The following NTM variants were observed in gnomAD, a reference collection of about 807,000 sequenced individuals.
NTM encodes the protein IgLON family member 2.
A neutral mutation model predicts 42.1 loss-of-function variants in NTM; 13 were observed. That is an observed-to-expected ratio of 0.31 (90% CI 0.20 to 0.49). The LOEUF is 0.49. Ranked by LOEUF, NTM falls within the 20% of genes least tolerant of loss-of-function variation. The pLI is 0.99. For synonymous variants in NTM, 187 were observed against 179.2 expected (o/e 1.04, Z -0.35); for missense variants, 373 against 452.8 (o/e 0.82, Z 1.60).
intron 7 of NTM, among the ~76,000 whole-genome samples, chr11:132,325,415 A>C (rs2095658369): frequency 6.6e-6 from 1 of 152,236 alleles, no homozygotes; most frequent in Admixed American, 6.5e-5. Flanking sequence ...CACATGAATA[A>C]ATGCTCACCA....
rs1555100310 is a variant in NTM at position 131,722,021 on chromosome 11, A to AGAGAG, written c.83-189543_83-189542insGAGAG. 1.2e-4 allele frequency among the ~76,000 whole-genome samples: 14 copies of AGAGAG among 112,826 alleles called. 2 individuals carry two copies. Among genetic ancestry groups the AGAGAG allele is most frequent in the African/African-American group, 3.7e-4 (11 of 29,450 alleles). 74.0% of individuals were successfully genotyped at this position (112,826 alleles called of 152,430 possible). ...CAAAAAAAAAAAAAAAAAAAAAAAA[A>AGAGAG]AGAGAGAAAGAAAGAAAATAATGCT... On this transcript the variant is annotated intron_variant, in intron 1 of 8. Transcript: ENST00000683400.
chr11:131,464,124 A>T (rs1049858514), intron 1 of NTM, among the ~76,000 whole-genome samples: 6 of 152,086 alleles, frequency 3.9e-5, no homozygotes, highest in Non-Finnish European at 8.8e-5. Flanking sequence ...GAGGGTGCAG[A>T]GGGGCCAGCA....
intron 2 of NTM, among the ~76,000 whole-genome samples, chr11:132,027,575 T>C (rs914373858): frequency 2.6e-5 from 4 of 152,202 alleles, no homozygotes; most frequent in African/African-American, 7.2e-5. Context: ...GACGCTCCTC[T>C]TCCTGTATGC....
intron 1 of NTM, among the ~76,000 whole-genome samples, chr11:131,625,812 C>G (rs906165): frequency 0.76 from 115,863 of 152,026 alleles, 44,799 homozygotes; most frequent in Non-Finnish European, 0.83. Flanking sequence ...AGTGAGATCA[C>G]AGAGATTCTT....
chr11:131,815,310 C>T lies in NTM; in HGVS notation c.83-96254C>T, dbSNP rs76643154. ...CCTTCTGGGAGCTGTCCCACCGTGC[C>T]CGCCTCAGCTCTCTGCCCTCTTGTA... is the stretch of plus-strand genomic sequence containing the variant. On this transcript the variant is annotated intron_variant, in intron 1 of 8. Coordinates refer to ENST00000683400, the MANE Select transcript of NTM (RefSeq NM_001352005.2). Among the ~76,000 whole-genome samples, 1,306 of 152,202 alleles carry T rather than the reference C, an allele frequency of 8.6e-3. 21 individuals are homozygous for T. The highest frequency in any genetic ancestry group is 0.03 in the African/African-American group (1,229 of 41,512).
chr11:131,912,036 C>T (rs1038717321), intron 2 of NTM, among the ~76,000 whole-genome samples: 1 of 152,144 alleles, frequency 6.6e-6, no homozygotes, highest in Non-Finnish European at 1.5e-5. Flanking sequence ...TTAATGAGCC[C>T]CAAAGGAGGG....
At chr11:131,921,473 G>A (rs1307443531) in intron 2 of NTM, among the ~76,000 whole-genome samples, 1 of 152,134 alleles carries the variant, frequency 6.6e-6, no homozygotes, top group East Asian at 1.9e-4. Flanking sequence ...TGCCAACACG[G>A]TGATCTCCAT....
intron 1 of NTM, among the ~76,000 whole-genome samples, chr11:131,752,331 A>T (rs565102950): frequency 1.3e-5 from 2 of 152,344 alleles, no homozygotes; most frequent in South Asian, 2.1e-4. Context: ...AATCAAAACC[A>T]CAATGAGATA....
chr11:131,843,986 A>G (rs2044613101), intron 1 of NTM, among the ~76,000 whole-genome samples: 1 of 150,844 alleles, frequency 6.6e-6, no homozygotes, highest in Non-Finnish European at 1.5e-5. Flanking sequence ...TTTACACTTT[A>G]TGATGTCTTC....
chr11:132,274,784 T>C (rs1326039066), intron 4 of NTM, among the ~76,000 whole-genome samples: 3 of 152,164 alleles, frequency 2.0e-5, no homozygotes, highest in African/African-American at 4.8e-5. Flanking sequence ...GTATACTATA[T>C]GCCAGTCTCT....
At chr11:132,073,195 C>A (rs1482592331) in intron 2 of NTM, among the ~76,000 whole-genome samples, 1 of 151,976 alleles carries the variant, frequency 6.6e-6, no homozygotes, top group African/African-American at 2.4e-5. Context: ...CAACGAGGAG[C>A]CAAAATGGGG....
intron 1 of NTM, among the ~76,000 whole-genome samples, chr11:131,433,555 T>G (rs1024751168): frequency 6.6e-6 from 1 of 152,174 alleles, no homozygotes; most frequent in Admixed American, 6.5e-5. Context: ...GAGGAAAGGG[T>G]AAGCAACTTG....
chr11:131,801,279 G>A (rs1243530811), intron 1 of NTM, among the ~76,000 whole-genome samples: 1 of 152,152 alleles, frequency 6.6e-6, no homozygotes, highest in Non-Finnish European at 1.5e-5. Context: ...TGAAGTGTAG[G>A]GCAGCTCACT....
chr11:132,224,862 A>T (rs1774727189), intron 4 of NTM, among the ~76,000 whole-genome samples: 1 of 152,196 alleles, frequency 6.6e-6, no homozygotes, highest in African/African-American at 2.4e-5. Context: ...AAAGACGACC[A>T]GGTTTCTGGT....
rs571878054 is a variant in NTM at position 132,286,448 on chromosome 11, G to T, written c.527-21241G>T. ...AGATTCAAAGGAAGGAGATTTAGGA[G>T]TAACACAGAAGCACCATTTAGGTAA... On this transcript the variant is annotated intron_variant, in intron 4 of 8. Transcript: ENST00000683400. 1.1e-4 allele frequency among the ~76,000 whole-genome samples: 16 copies of T among 152,232 alleles called. No individual in the cohort carries two copies. The South Asian group carries it at 2.3e-3, about 22-fold the overall frequency.
At chr11:132,330,377 G>A (rs1262341001) in intron 8 of NTM, among the ~76,000 whole-genome samples, 192 bp downstream of exon 8, 1 of 152,130 alleles carries the variant, frequency 6.6e-6, no homozygotes, top group Non-Finnish European at 1.5e-5. Flanking sequence ...ATCCTTCCTA[G>A]GTAGATCCCA....
At chr11:131,881,475 G>T (rs1426123311) in intron 1 of NTM, among the ~76,000 whole-genome samples, 1 of 72,936 alleles carries the variant, frequency 1.4e-5, no homozygotes, top group African/African-American at 5.3e-5. Context: ...TGAGCTCTCA[G>T]TTACACACAC....
rs751357213 is a variant in NTM at position 132,314,756 on chromosome 11, A to G, written c.934+53A>G. 5.2e-6 allele frequency: 8 copies of G among 1,545,608 alleles called. No homozygotes were observed. In the East Asian group the frequency reaches 1.9e-4, roughly 36 times the overall value. ...AAGAGGGGAGAGGGTGCAGAACGGG[A>G]GAGCTGGGTGGGAGGGCCCCTCAAG... On this transcript the variant is annotated intron_variant, in intron 7 of 8. Coordinates refer to ENST00000683400, the MANE Select transcript of NTM (RefSeq NM_001352005.2).
intron 1 of NTM, among the ~76,000 whole-genome samples, chr11:131,599,172 C>G (rs763016819): frequency 1.3e-5 from 2 of 152,142 alleles, no homozygotes; most frequent in African/African-American, 2.4e-5. Context: ...ACCTCAGCCT[C>G]CCAAAGTTCT....
Sources: gnomAD v4.1 joint callset for allele counts (sites outside exome capture counted in the v4.1 genomes callset) on GRCh38, gnomAD v4.1.1 for gene constraint, MANE v1.5 for transcripts, NCBI Gene and HGNC (gene_info 2026-07-23, HGNC 2026-07-21) for gene names.